The following GBE1 variants were observed in gnomAD, a reference collection of about 807,000 sequenced individuals.
GBE1 encodes 1,4-alpha-glucan-branching enzyme.
GBE1 carries 70 observed loss-of-function variants against 88.8 expected under a neutral mutation model. The observed-to-expected ratio is 0.79, with a 90% CI of 0.65 to 0.96. The LOEUF (loss-of-function observed/expected upper bound fraction) is 0.96, where lower values mean the gene tolerates loss of function less well. Ranked by LOEUF, GBE1 falls within the 40% of genes least tolerant of loss-of-function variation. The probability of loss-of-function intolerance (pLI) is 0.00; values close to 1 mark genes in which losing one functional copy is unlikely to be tolerated. For synonymous variants in GBE1, 284 were observed against 300.1 expected, an observed-to-expected ratio of 0.95 and a Z score of 0.56; for missense variants, 872 against 871.0, an observed-to-expected ratio of 1.00 and a Z score of -0.01.
chr3:81,693,874 T>C (rs559569040), intron 2 of GBE1, among the ~76,000 whole-genome samples: 12 of 152,258 alleles, frequency 7.9e-5, no homozygotes, highest in African/African-American at 2.9e-4. Context: ...TTTAAGATCA[T>C]ATTCTGTAAC....
At chr3:81,652,973 A>T (rs1030515549) in intron 3 of GBE1, among the ~76,000 whole-genome samples, 1 of 152,188 alleles carries the variant, frequency 6.6e-6, no homozygotes, top group African/African-American at 2.4e-5. Context: ...CACAACCTCA[A>T]AATGTCAGCA....
chr3:81,646,277 T>C, intron 6 of GBE1, 115 bp downstream of exon 6: 1 of 686,122 alleles, frequency 1.5e-6, no homozygotes, highest in South Asian at 1.8e-5. Context: ...CAGCTTCTAT[T>C]AACTCTGTTA....
intron 2 of GBE1, among the ~76,000 whole-genome samples, chr3:81,693,221 A>C (rs1361072175): frequency 6.6e-6 from 1 of 152,174 alleles, no homozygotes; most frequent in African/African-American, 2.4e-5. Context: ...AAATAAACAC[A>C]TAAAATATTA....
At chr3:81,739,190 CA>C (rs754981590) in intron 1 of GBE1, among the ~76,000 whole-genome samples, 214 of 152,168 alleles carry the variant, frequency 1.4e-3, no homozygotes, top group Middle Eastern at 3.4e-3. Flanking sequence ...TAAATTTCGG[CA>C]GAGGGAATAC....
intron 1 of GBE1, among the ~76,000 whole-genome samples, chr3:81,743,274 G>GTT (rs548936195): frequency 3.9e-5 from 6 of 152,052 alleles, no homozygotes; most frequent in Non-Finnish European, 8.8e-5. Context: ...AAATGGCAAT[G>GTT]TTTTCATTAT....
chr3:81,637,600 AT>A (rs1018155652), intron 7 of GBE1, among the ~76,000 whole-genome samples: 1 of 151,804 alleles, frequency 6.6e-6, no homozygotes, highest in African/African-American at 2.4e-5. Flanking sequence ...TTTTTTCTGT[AT>A]TTTTTTTGTT....
intron 1 of GBE1, among the ~76,000 whole-genome samples, chr3:81,714,731 T>C (rs1369174654): frequency 2.0e-5 from 3 of 152,146 alleles, no homozygotes; most frequent in Admixed American, 2.0e-4. Context: ...GACTGGACGG[T>C]TTAAAAAACA....
chr3:81,571,219 T>G (rs6764261), intron 12 of GBE1, among the ~76,000 whole-genome samples: 52,071 of 151,990 alleles, frequency 0.34, 9,436 homozygotes, highest in East Asian at 0.48. Flanking sequence ...TTCCTCCTTT[T>G]ATTACTTTTC....
At chr3:81,572,497 A>G (rs1448704268) in intron 12 of GBE1, among the ~76,000 whole-genome samples, 1 of 152,216 alleles carries the variant, frequency 6.6e-6, no homozygotes. Context: ...ACATTTAAAA[A>G]GTCATTAGAC....
At position 81,646,433 on chromosome 3, in the gene GBE1, G is replaced by A; in HGVS notation, c.741C>T (p.Ala247=). 6.2e-7 allele frequency: 1 copy of A among 1,607,078 alleles called. No individual in the cohort carries two copies. Among genetic ancestry groups the A allele is most frequent in the Non-Finnish European group, 8.5e-7 (1 of 1,176,798 alleles). The change falls in exon 6 of 16, where the codon GCC becomes GCT. Residue 247 remains alanine (A), a synonymous_variant. Transcript: ENST00000429644. ...AGCTTGTGATTTGGTAACCAAAGCT[G>A]GCATAGTAAGCATGCTCCATGATTG... The part of the protein sequence containing the change: ...LMAIMEHAYY[A]SFGYQITSFF...
intron 5 of GBE1, 141 bp downstream of exon 5, chr3:81,648,715 T>C (rs1704803046): frequency 2.2e-6 from 1 of 463,174 alleles, no homozygotes; most frequent in Non-Finnish European, 3.7e-6. Context: ...ACAGGGCAAT[T>C]TGAGAAGCCT....
chr3:81,725,127 G>C (rs926468080), intron 1 of GBE1, among the ~76,000 whole-genome samples: 2 of 152,160 alleles, frequency 1.3e-5, no homozygotes, highest in Non-Finnish European at 2.9e-5. Context: ...TATACACACT[G>C]TCACAGGCTA....
intron 12 of GBE1, among the ~76,000 whole-genome samples, chr3:81,545,226 T>TA (rs138991873): frequency 0.24 from 35,345 of 149,978 alleles, 4,229 homozygotes; most frequent in East Asian, 0.41. Context: ...GATTTTTCTT[T>TA]AAAAAAAAAA....
intron 3 of GBE1, among the ~76,000 whole-genome samples, chr3:81,651,209 T>C (rs1041336166): frequency 6.6e-6 from 1 of 152,180 alleles, no homozygotes; most frequent in African/African-American, 2.4e-5. Context: ...CTCACTTGAT[T>C]CCAGAAAATC....
intron 12 of GBE1, among the ~76,000 whole-genome samples, chr3:81,543,430 A>G (rs1703167891): frequency 6.6e-6 from 1 of 152,148 alleles, no homozygotes; most frequent in African/African-American, 2.4e-5. Context: ...GTTCAAAACC[A>G]TAAACACAAG....
At chr3:81,646,252 G>A (rs886258448) in intron 6 of GBE1, 140 bp downstream of exon 6, 2 of 626,896 alleles carry the variant, frequency 3.2e-6, no homozygotes, top group Non-Finnish European at 5.6e-6. Context: ...TATGACCTTA[G>A]TAAAAGAAAA....
intron 15 of GBE1, among the ~76,000 whole-genome samples, chr3:81,492,040 T>G (rs1366786954): frequency 6.6e-6 from 1 of 152,226 alleles, no homozygotes; most frequent in African/African-American, 2.4e-5. Context: ...TTCAAAGTAA[T>G]AGTGATTTAG....
At chr3:81,700,605 C>T (rs146911743) in intron 2 of GBE1, among the ~76,000 whole-genome samples, 221 of 152,146 alleles carry the variant, frequency 1.5e-3, no homozygotes, top group African/African-American at 5.0e-3. Context: ...CACTGGTCCA[C>T]AGAGCACATG....
At chr3:81,628,137 G>C (rs1004018289) in intron 7 of GBE1, among the ~76,000 whole-genome samples, 1 of 152,056 alleles carries the variant, frequency 6.6e-6, no homozygotes, top group Non-Finnish European at 1.5e-5. Flanking sequence ...ACCCCTTTCA[G>C]ACTCAGGCGG....
Sources: allele counts gnomAD v4.1 joint callset (sites outside exome capture counted in the v4.1 genomes callset), GRCh38; gene constraint gnomAD v4.1.1; transcripts MANE v1.5; gene names NCBI Gene and HGNC (gene_info 2026-07-23, HGNC 2026-07-21).